Variants in MLLT10 observed in about 807,000 individuals in gnomAD.
MLLT10 encodes the protein protein AF-10.
MLLT10 carries 30 observed loss-of-function variants against 129.1 expected under a neutral mutation model. That is an observed-to-expected ratio of 0.23 (90% CI 0.17 to 0.32). The LOEUF (loss-of-function observed/expected upper bound fraction) is 0.32. Ranked by LOEUF, MLLT10 falls within the 10% of genes least tolerant of loss-of-function variation. The probability of loss-of-function intolerance (pLI) is 1.00; values close to 1 mark genes in which losing one functional copy is unlikely to be tolerated. For synonymous variants in MLLT10, 490 were observed against 446.4 expected (o/e 1.10, Z -1.23); for missense variants, 1,119 against 1,268.3 (o/e 0.88, Z 1.79).
intron 3 of MLLT10, among the ~76,000 whole-genome samples, chr10:21,550,190 T>C (rs1366880093): frequency 6.6e-6 from 1 of 152,220 alleles, no homozygotes. Flanking sequence ...GTTTGTTTCT[T>C]GGCTTGGATT....
At chr10:21,735,346 CAAA>C (rs963724219) in intron 21 of MLLT10, 111 bp downstream of exon 21, 7 of 954,592 alleles carry the variant, frequency 7.3e-6, no homozygotes, top group East Asian at 2.5e-5. Context: ...AATGCATAAT[CAAA>C]AAAGTTTTTC....
chr10:21,737,527 TG>T (rs2058472180), intron 21 of MLLT10, among the ~76,000 whole-genome samples: 1 of 151,528 alleles, frequency 6.6e-6, no homozygotes, highest in Non-Finnish European at 1.5e-5. Context: ...CAACTGGAGG[TG>T]GGTTTTATGT....
At chr10:21,726,051 T>C (rs1260572296) in intron 14 of MLLT10, among the ~76,000 whole-genome samples, 193 bp from the exon 15 acceptor site, 1 of 152,140 alleles carries the variant, frequency 6.6e-6, no homozygotes, top group Non-Finnish European at 1.5e-5. Flanking sequence ...GCGCCCGGCC[T>C]AGTTATGTAA....
In MLLT10 at chr10:21,641,742, T is replaced by TC. The variant is rs2048025168; in HGVS notation, c.700-9931_700-9930insC. Among the ~76,000 whole-genome samples the TC allele has an allele frequency of 2.0e-5, 3 of 152,308 alleles. No individual in the cohort carries two copies. The South Asian group carries it at 6.2e-4, about 32-fold the overall frequency. Reference sequence around the variant, plus strand: ...AGAAATTACAAAAGCAAACAAGACGTTGAAGAGGTAAGACTGTCTTTCTAG... The same window carrying TC: ...AGAAATTACAAAAGCAAACAAGACGTCTGAAGAGGTAAGACTGTCTTTCTAG... On this transcript the variant is annotated intron_variant, in intron 8 of 22. Transcript: ENST00000307729.
chr10:21,657,457 G>A (rs1250843000), intron 9 of MLLT10, among the ~76,000 whole-genome samples: 2 of 149,750 alleles, frequency 1.3e-5, no homozygotes, highest in Non-Finnish European at 3.0e-5. Context: ...AGATTTGCTT[G>A]CTGTCAATGT....
chr10:21,617,168 C>A lies in MLLT10; in HGVS notation c.660C>A (p.Ser220=). Residue 220 remains serine (S), a synonymous_variant, in exon 8 of 23, where the codon TCC becomes TCA. Transcript: ENST00000307729. ...RSYDQSLSDS[S]SHSQDKHHEK... The stretch of plus-strand genomic sequence containing the variant: ...ATGATCAAAGTTTAAGTGATTCTTC[C>A]TCTCACTCTCAGGATAAACATCATG... 6.5e-7 allele frequency: 1 copy of A among 1,539,774 alleles called. No individual in the cohort carries two copies. The highest frequency in any genetic ancestry group is 8.8e-7 in the Non-Finnish European group (1 of 1,139,874).
At chr10:21,544,368 C>G (rs2035746020) in intron 3 of MLLT10, among the ~76,000 whole-genome samples, 2 of 152,118 alleles carry the variant, frequency 1.3e-5, no homozygotes, top group Admixed American at 1.3e-4. Context: ...GATGAGATAC[C>G]TAGCACTGGA....
intron 13 of MLLT10, among the ~76,000 whole-genome samples, chr10:21,710,417 T>C (rs1353742491): frequency 6.6e-6 from 1 of 152,182 alleles, no homozygotes; most frequent in Non-Finnish European, 1.5e-5. Context: ...AAATCTTCAG[T>C]TTTTCAAGAG....
At chr10:21,591,145 C>T (rs565300896) in intron 4 of MLLT10, among the ~76,000 whole-genome samples, 2 of 152,228 alleles carry the variant, frequency 1.3e-5, no homozygotes, top group African/African-American at 2.4e-5. Flanking sequence ...GAAGCCTCCA[C>T]CTCCTGGGTT....
At chr10:21,723,643 T>TGCGGAGAAA (rs1477059526) in intron 14 of MLLT10, among the ~76,000 whole-genome samples, 1 of 152,200 alleles carries the variant, frequency 6.6e-6, no homozygotes, top group African/African-American at 2.4e-5. Flanking sequence ...CCGCATTCTG[T>TGCGGAGAAA]ACTGTGTTTT....
intron 14 of MLLT10, among the ~76,000 whole-genome samples, chr10:21,725,360 A>G (rs1021002120): frequency 5.9e-5 from 9 of 152,194 alleles, no homozygotes; most frequent in Admixed American, 2.0e-4. Context: ...GGTATCAGCT[A>G]GATATGTTGA....
At chr10:21,567,975 A>G (rs1366034523) in intron 3 of MLLT10, among the ~76,000 whole-genome samples, 2 of 151,352 alleles carry the variant, frequency 1.3e-5, no homozygotes, top group Non-Finnish European at 2.9e-5. Context: ...GCCTTCCAAC[A>G]CGCCCGGGTA....
intron 12 of MLLT10, 70 bp from the exon 13 acceptor site, chr10:21,682,155 A>G: frequency 7.9e-7 from 1 of 1,267,504 alleles, no homozygotes; most frequent in Non-Finnish European, 1.1e-6. Context: ...AATTCAGTGT[A>G]TGGCTATGTA....
intron 3 of MLLT10, among the ~76,000 whole-genome samples, chr10:21,555,069 C>G (rs1055025914): frequency 1.3e-5 from 2 of 152,044 alleles, no homozygotes; most frequent in African/African-American, 2.4e-5. Flanking sequence ...GATCCACCCG[C>G]CTTGGCCTCC....
rs535494008 is a variant in MLLT10, at chr10:21,717,240, C to T, written c.1878+3290C>T. Among the ~76,000 whole-genome samples the T allele has an allele frequency of 7.5e-5, 6 of 79,834 alleles. No homozygotes were observed. In the East Asian group the frequency reaches 1.5e-3, roughly 20 times the overall value. 52.4% of individuals were successfully genotyped at this position (79,834 alleles called of 152,430 possible). On this transcript the variant is annotated intron_variant, in intron 14 of 22. Transcript: ENST00000307729. ...TGCGCTCCAGCCTGGGCAACAAGAG[C>T]GAAACTCCGTCTCAAAAAAAAAAAA...
Position 21,680,244 on chromosome 10 carries a change from T to C in MLLT10, c.1622-1088T>C, listed in dbSNP as rs189138636. On this transcript the variant is annotated intron_variant, in intron 11 of 22. Coordinates refer to ENST00000307729, the MANE Select transcript of MLLT10 (RefSeq NM_001195626.3). ...CTTTTTTTTTGAGACCAAGTCTTGC[T>C]CTGTCGCCCAGGCTGTAGTGCGATG... is the stretch of plus-strand genomic sequence containing the variant. Among the ~76,000 whole-genome samples, 9 of 152,160 alleles carry C rather than the reference T, an allele frequency of 5.9e-5. No homozygotes were observed. In the East Asian group the frequency reaches 1.7e-3, roughly 29 times the overall value.
chr10:21,572,423 G>T (rs1048841890), intron 3 of MLLT10, among the ~76,000 whole-genome samples: 1 of 152,070 alleles, frequency 6.6e-6, no homozygotes, highest in Admixed American at 6.6e-5. Context: ...CTCCAAGAAA[G>T]GCTGATGGGA....
In MLLT10 at chr10:21,726,787, T is replaced by C. The variant is rs754329705; in HGVS notation, c.1990+432T>C. Among the ~76,000 whole-genome samples, 38 of 151,000 alleles carry C rather than the reference T, an allele frequency of 2.5e-4. No individual in the cohort carries two copies. In the Middle Eastern group the frequency reaches 0.014, roughly 55 times the overall value. On this transcript the variant is annotated intron_variant, in intron 15 of 22. Transcript: ENST00000307729. Reference sequence around the variant, plus strand: ...TGTCTCCTGTGACTTTTGTGATTGATGTGTTCAGTTCTCAGTTCTATGCAA... The same window carrying C: ...TGTCTCCTGTGACTTTTGTGATTGACGTGTTCAGTTCTCAGTTCTATGCAA...
intron 5 of MLLT10, among the ~76,000 whole-genome samples, chr10:21,606,062 T>A (rs1171666978): frequency 6.6e-6 from 1 of 152,178 alleles, no homozygotes; most frequent in Admixed American, 6.5e-5. Flanking sequence ...TTTCACACAT[T>A]TTCATTATTA....
Sources: allele counts gnomAD v4.1 joint callset (sites outside exome capture counted in the v4.1 genomes callset), GRCh38; gene constraint gnomAD v4.1.1; transcripts MANE v1.5; gene names NCBI Gene and HGNC (gene_info 2026-07-23, HGNC 2026-07-21).